KIFC3: variants seen among roughly 807,000 people sequenced by gnomAD.
KIFC3 encodes the protein kinesin family member C3, also known as kinesin-like protein KIFC3.
A neutral mutation model predicts 101.8 loss-of-function variants in KIFC3; 60 were observed. The observed-to-expected ratio is 0.59, with a 90% CI of 0.48 to 0.73. KIFC3 has a LOEUF of 0.73. KIFC3 is among the 30% of genes least tolerant of loss of function. The probability of loss-of-function intolerance (pLI) is 0.00; values close to 1 mark genes in which losing one functional copy is unlikely to be tolerated. For missense variants in KIFC3, 966 were observed against 1,137.1 expected (o/e 0.85, Z 2.16); for synonymous variants, 476 against 482.7 (o/e 0.99, Z 0.18).
chr16:57,837,414 G>A (rs921466056), intron 1 of KIFC3, among the ~76,000 whole-genome samples: 3 of 151,676 alleles, frequency 2.0e-5, no homozygotes, highest in Non-Finnish European at 4.4e-5. Context: ...GTTGCAGTGA[G>A]CCAAGATCAT....
chr16:57,816,308 G>T (rs993312045), intron 1 of KIFC3: 7 of 1,214,334 alleles, frequency 5.8e-6, no homozygotes, highest in African/African-American at 1.6e-5. Context: ...AGGAAGTGCG[G>T]TGGGATCTGT....
intron 3 of KIFC3, among the ~76,000 whole-genome samples, chr16:57,787,441 G>A (rs545222786): frequency 1.3e-5 from 2 of 152,318 alleles, no homozygotes; most frequent in South Asian, 2.1e-4. Context: ...GCAGGGGCTC[G>A]CCGGGTCTCA....
At chr16:57,759,906 T>G in intron 17 of KIFC3, 70 bp from the exon 18 acceptor site, 1 of 1,188,260 alleles carries the variant, frequency 8.4e-7, no homozygotes, top group Non-Finnish European at 1.2e-6. Flanking sequence ...TGTGCTTCTC[T>G]CTACTCCCCT....
chr16:57,802,567 G>A (rs1309557557), upstream of KIFC3: 5 of 992,630 alleles, frequency 5.0e-6, no homozygotes, highest in South Asian at 9.4e-5. This position sits in a 1 kb window ranked among gnomAD's most constrained non-coding sequence, Gnocchi z 5.0. Flanking sequence ...GACCCCGGCG[G>A]GGGGCGGCGG....
upstream of KIFC3, chr16:57,802,658 TC>T: frequency 2.1e-6 from 2 of 931,700 alleles, no homozygotes; most frequent in Non-Finnish European, 2.8e-6. This position sits in a 1 kb window ranked among gnomAD's most constrained non-coding sequence, Gnocchi z 5.0. Flanking sequence ...GCACTCCCAC[TC>T]CCACTCCCAC....
chr16:57,856,485 A>AAGGGAGGG (rs201470112), intron 1 of KIFC3, among the ~76,000 whole-genome samples: 1 of 133,436 alleles, frequency 7.5e-6, no homozygotes, highest in Admixed American at 7.6e-5. Context: ...GGAAGGAAAG[A>AAGGGAGGG]AGGGAGGGAG....
At chr16:57,837,468 A>AAAAG (rs756740738) in intron 1 of KIFC3, among the ~76,000 whole-genome samples, 1 of 151,446 alleles carries the variant, frequency 6.6e-6, no homozygotes, top group East Asian at 1.9e-4. Context: ...ACTCAGTCAA[A>AAAAG]AAAGAAAGAA....
At chr16:57,763,635 G>A (rs1216203313) in intron 12 of KIFC3, among the ~76,000 whole-genome samples, 1 of 151,934 alleles carries the variant, frequency 6.6e-6, no homozygotes, top group African/African-American at 2.4e-5. Flanking sequence ...GGGTGCCGGT[G>A]ACGAGCAGGG....
At chr16:57,764,813 A>G (rs542179494) in intron 11 of KIFC3, among the ~76,000 whole-genome samples, 1 of 137,322 alleles carries the variant, frequency 7.3e-6, no homozygotes, top group South Asian at 2.6e-4. Context: ...GGATGGGGCC[A>G]TGTGGGTGGC....
intron 1 of KIFC3, among the ~76,000 whole-genome samples, chr16:57,839,903 C>T (rs2055768740): frequency 6.6e-6 from 1 of 152,078 alleles, no homozygotes; most frequent in Admixed American, 6.6e-5. Flanking sequence ...TTTTCATCAC[C>T]ATCCATTTCC....
intron 3 of KIFC3, among the ~76,000 whole-genome samples, chr16:57,781,021 A>G (rs554920085): frequency 3.6e-4 from 54 of 150,498 alleles, no homozygotes; most frequent in African/African-American, 1.1e-3. Flanking sequence ...GGGGGCAGGT[A>G]GGGAGTGCCG....
At chr16:57,797,494 C>G (rs1324753347) in intron 2 of KIFC3, among the ~76,000 whole-genome samples, 1 of 152,186 alleles carries the variant, frequency 6.6e-6, no homozygotes, top group Non-Finnish European at 1.5e-5. Context: ...GACAGCTCCC[C>G]GGGGGGTACA....
intron 2 of KIFC3, among the ~76,000 whole-genome samples, chr16:57,797,043 G>C (rs974318393): frequency 6.6e-6 from 1 of 152,204 alleles, no homozygotes; most frequent in East Asian, 1.9e-4. Context: ...TGCTGCTTGG[G>C]AGCAGCCAGC....
intron 5 of KIFC3, 26 bp from the exon 6 acceptor site, chr16:57,771,463 G>GAGT (rs782673965): frequency 6.2e-7 from 1 of 1,612,644 alleles, no homozygotes; most frequent in Admixed American, 1.7e-5. Context: ...GGCACTGGAT[G>GAGT]AGTGCAAGGG....
At chr16:57,776,280 G>A (rs1555611807) in intron 3 of KIFC3, 1 of 985,374 alleles carries the variant, frequency 1.0e-6, no homozygotes, top group Non-Finnish European at 1.2e-6. Context: ...GGCGGCCCTG[G>A]GAGCACACCC....
intron 1 of KIFC3, chr16:57,815,315 C>A: frequency 1.8e-6 from 1 of 557,430 alleles, no homozygotes; most frequent in Non-Finnish European, 2.5e-6. Context: ...GAATTGTGCT[C>A]ATTTGTAACC....
intron 7 of KIFC3, 82 bp from the exon 8 acceptor site, chr16:57,770,037 AC>A: frequency 6.6e-7 from 1 of 1,514,180 alleles, no homozygotes; most frequent in Non-Finnish European, 8.9e-7. Flanking sequence ...GAAACTGGTC[AC>A]CTCCCATGCA....
At chr16:57,828,249 C>A (rs977671911) in intron 1 of KIFC3, among the ~76,000 whole-genome samples, 1 of 152,232 alleles carries the variant, frequency 6.6e-6, no homozygotes, top group Non-Finnish European at 1.5e-5. Flanking sequence ...TTTGCAAATG[C>A]CCTGTGAGGT....
intron 9 of KIFC3, among the ~76,000 whole-genome samples, chr16:57,768,610 T>G (rs898276041): frequency 6.6e-6 from 1 of 151,706 alleles, no homozygotes; most frequent in African/African-American, 2.4e-5. Context: ...GTTGGGTGGG[T>G]GGCAGAGAGG....
Sources: gnomAD v4.1 joint callset for allele counts (sites outside exome capture counted in the v4.1 genomes callset) on GRCh38, gnomAD v4.1.1 for gene constraint, Gnocchi (gnomAD v3.1) non-coding constraint, MANE v1.5 for transcripts, NCBI Gene and HGNC (gene_info 2026-07-23, HGNC 2026-07-21) for gene names.